The following GTF3C5 variants were observed in gnomAD, a reference collection of about 807,000 sequenced individuals.
The protein encoded by GTF3C5 is general transcription factor 3C polypeptide 5.
GTF3C5 carries 47 observed loss-of-function variants against 61.0 expected under a neutral mutation model. The observed-to-expected ratio is 0.77, with a 90% CI of 0.61 to 0.98. The LOEUF (loss-of-function observed/expected upper bound fraction) is 0.98. Ranked by LOEUF, GTF3C5 falls within the 50% of genes least tolerant of loss-of-function variation. GTF3C5 has a pLI of 0.00. For synonymous variants in GTF3C5, 295 were observed against 275.4 expected (o/e 1.07, Z -0.71); for missense variants, 659 against 703.3 (o/e 0.94, Z 0.71).
At chr9:133,040,838 A>T (rs600252) in intron 1 of GTF3C5, among the ~76,000 whole-genome samples, 39,982 of 152,164 alleles carry the variant, frequency 0.26, 6,380 homozygotes, top group Non-Finnish European at 0.34. Context: ...CTGTTCCAGT[A>T]TAATAAAATA....
intron 8 of GTF3C5, chr9:133,055,264 T>G: frequency 1.4e-6 from 2 of 1,442,492 alleles, no homozygotes; most frequent in Non-Finnish European, 9.2e-7. Context: ...TCCAGAGCTG[T>G]TCCCACATTC....
chr9:133,045,015 G>A (rs1850159364), intron 3 of GTF3C5, among the ~76,000 whole-genome samples: 1 of 152,172 alleles, frequency 6.6e-6, no homozygotes, highest in South Asian at 2.1e-4. Flanking sequence ...CTCAGCGGCT[G>A]TTGGAAAGGC....
In GTF3C5 at chr9:133,054,455, A is replaced by G. The variant is rs376824703; in HGVS notation, c.1036A>G (p.Asn346Asp). Residue 346 changes from asparagine to aspartate, a missense_variant, in exon 7 of 11, where the codon AAC (asparagine) becomes GAC (aspartate). Physicochemically the swap from Asn to Asp is conservative, Grantham distance 23. Transcript: ENST00000372097. The part of the protein sequence containing the change: ...LPVKAKRSTY[N>D]YSLPITVKKT... ...GGTCAAAGCAAAGCGCAGCACCTACAACTACAGCCTCCCCATCACCGTCAA... is the reference window on the plus strand; with the variant it reads ...GGTCAAAGCAAAGCGCAGCACCTACGACTACAGCCTCCCCATCACCGTCAA... The G allele has an allele frequency of 1.9e-6, 3 of 1,614,026 alleles. No individual in the cohort carries two copies. The African/African-American group carries it at 4.0e-5, about 22-fold the overall frequency.
Position 133,042,249 on chromosome 9 carries a change from G to C in GTF3C5, c.316G>C (p.Glu106Gln), listed in dbSNP as rs771574280. ...GGTGCTGGGCACTGAGGCCCACTCC[G>C]AGGTCACATTTGACATGGAGATCCT... ...KGVLGTEAHS[E>Q]VTFDMEILGI... The change falls in exon 2 of 11, where the codon GAG (glutamate) becomes CAG (glutamine). Residue 106 changes from glutamate to glutamine, a missense_variant. By Grantham distance (29) the Glu-to-Gln change is conservative. Coordinates refer to ENST00000372097, the MANE Select transcript of GTF3C5 (RefSeq NM_012087.4). 1.7e-5 allele frequency: 27 copies of C among 1,613,664 alleles called. No individual in the cohort carries two copies. Among genetic ancestry groups the C allele is most frequent in the Non-Finnish European group, 2.0e-5 (24 of 1,179,642 alleles).
In GTF3C5 at chr9:133,054,503, C is replaced by G; in HGVS notation, c.1069+15C>G. On this transcript the variant is annotated intron_variant, in intron 7 of 10. Coordinates refer to ENST00000372097, the MANE Select transcript of GTF3C5 (RefSeq NM_012087.4). The stretch of plus-strand genomic sequence containing the variant: ...CAAGAAGACATGTAAGCGTGCCAGG[C>G]GCCTTTTGTGGGTCATGAGTGATTT... 5 of 1,611,370 alleles carry G rather than the reference C, an allele frequency of 3.1e-6. No individual in the cohort carries two copies. Among genetic ancestry groups the G allele is most frequent in the Non-Finnish European group, 4.2e-6 (5 of 1,177,532 alleles).
intron 9 of GTF3C5, 101 bp downstream of exon 9, chr9:133,056,195 G>C (rs1045155033): frequency 1.1e-6 from 1 of 928,402 alleles, no homozygotes; most frequent in African/African-American, 1.6e-5. Context: ...CTTCATCTCC[G>C]GCAAGAGCAC....
intron 1 of GTF3C5, among the ~76,000 whole-genome samples, chr9:133,033,375 A>G (rs909412080): frequency 1.3e-5 from 2 of 152,152 alleles, no homozygotes; most frequent in African/African-American, 4.8e-5. Flanking sequence ...TACTTGGCAG[A>G]GTATCCAGTT....
chr9:133,040,085 A>G (rs1349108620), intron 1 of GTF3C5, among the ~76,000 whole-genome samples: 2 of 152,090 alleles, frequency 1.3e-5, no homozygotes, highest in African/African-American at 4.8e-5. Flanking sequence ...CGCTAACCTC[A>G]GGGATTATTA....
At chr9:133,057,536 G>GGT (rs571860433) in intron 10 of GTF3C5, among the ~76,000 whole-genome samples, 18 of 152,288 alleles carry the variant, frequency 1.2e-4, no homozygotes, top group Admixed American at 7.2e-4. Context: ...TCTAATCAAG[G>GGT]GTGTGGACCC....
At chr9:133,034,379 G>A (rs1448059511) in intron 1 of GTF3C5, among the ~76,000 whole-genome samples, 1 of 152,118 alleles carries the variant, frequency 6.6e-6, no homozygotes, top group African/African-American at 2.4e-5. Flanking sequence ...GAGCTTGTTC[G>A]TATCTGCACG....
chr9:133,051,085 C>T (rs528891849), intron 4 of GTF3C5, 107 bp downstream of exon 4: 184 of 777,988 alleles, frequency 2.4e-4, no homozygotes, highest in Non-Finnish European at 4.4e-5. Flanking sequence ...CTGCACTGAC[C>T]TTTACCCATT....
intron 3 of GTF3C5, among the ~76,000 whole-genome samples, chr9:133,045,431 C>T (rs570743322): frequency 5.1e-4 from 78 of 152,164 alleles, no homozygotes; most frequent in Non-Finnish European, 1.0e-3. Context: ...AAATGACGCA[C>T]AAAAAGACAA....
chr9:133,034,769 G>A (rs955640447), intron 1 of GTF3C5, among the ~76,000 whole-genome samples: 1 of 152,166 alleles, frequency 6.6e-6, no homozygotes, highest in African/African-American at 2.4e-5. Flanking sequence ...TGTGCTCAGA[G>A]GCCTTCAGTC....
At position 133,057,829 on chromosome 9, in the gene GTF3C5, C is replaced by T; in HGVS notation, c.1409C>T (p.Ser470Leu). Residue 470 changes from serine (S) to leucine (L), a missense_variant, in exon 11 of 11, where the codon TCA becomes TTA. Ser to Leu is a moderately radical substitution (Grantham distance 145). Transcript: ENST00000372097. Reference sequence around the variant, plus strand: ...CCGGCCCCAGCTCTCTTTTCCAGCTCAGCCAAGGCTGATGGCGGAAAAGAG... The same window carrying T: ...CCGGCCCCAGCTCTCTTTTCCAGCTTAGCCAAGGCTGATGGCGGAAAAGAG... ...RSKRPALFSS[S>L]AKADGGKEQL... is the part of the protein sequence containing the mutation. The T allele has an allele frequency of 1.7e-5, 28 of 1,608,646 alleles. No homozygotes were observed. The highest frequency in any genetic ancestry group is 2.4e-5 in the Non-Finnish European group (28 of 1,177,244).
At position 133,052,103 on chromosome 9, in the gene GTF3C5, C is replaced by T; in HGVS notation, c.812C>T (p.Ala271Val). The T allele has an allele frequency of 6.2e-7, 1 of 1,609,516 alleles. No homozygotes were observed. Among genetic ancestry groups the T allele is most frequent in the Non-Finnish European group, 8.5e-7 (1 of 1,177,510 alleles). The change falls in exon 5 of 11, where the codon GCC (alanine) becomes GTC (valine). Residue 271 changes from alanine to valine, a missense_variant. Transcript: ENST00000372097. Reference protein sequence around the residue: ...RPIWSRNAVKANISVHPDKLK... With the variant: ...RPIWSRNAVKVNISVHPDKLK... The stretch of plus-strand genomic sequence containing the variant: ...ATCTGGTCCCGAAATGCTGTCAAGG[C>T]CAACATCAGCGTCCACCCAGACAAG...
At chr9:133,055,282 C>T (rs1286170971) in intron 8 of GTF3C5, 24 of 1,421,802 alleles carry the variant, frequency 1.7e-5, no homozygotes, top group Middle Eastern at 1.8e-4. Context: ...TTCAGGCTCC[C>T]GCAAGCCGCT....
chr9:133,034,941 T>C (rs7852667), intron 1 of GTF3C5, among the ~76,000 whole-genome samples: 9,438 of 152,230 alleles, frequency 0.062, 466 homozygotes, highest in African/African-American at 0.14. Flanking sequence ...AGTTCGGATT[T>C]TTCACAAGGC....
At chr9:133,057,168 G>A (rs571596369) in intron 10 of GTF3C5, among the ~76,000 whole-genome samples, 46 of 152,340 alleles carry the variant, frequency 3.0e-4, no homozygotes, top group Non-Finnish European at 5.4e-4. Flanking sequence ...GCTGGGTGCA[G>A]CAGCCTGGCA....
chr9:133,043,221 C>T (rs1278230938), intron 2 of GTF3C5, among the ~76,000 whole-genome samples: 1 of 152,180 alleles, frequency 6.6e-6, no homozygotes, highest in Non-Finnish European at 1.5e-5. Context: ...GAGGGCTGTT[C>T]TTTTGGGACA....
Sources: allele counts gnomAD v4.1 joint callset (sites outside exome capture counted in the v4.1 genomes callset), GRCh38; gene constraint gnomAD v4.1.1; transcripts MANE v1.5; gene names NCBI Gene and HGNC (gene_info 2026-07-23, HGNC 2026-07-21).